The following LYN variants were observed in gnomAD, a reference collection of about 807,000 sequenced individuals.
LYN encodes LYN proto-oncogene, Src family tyrosine kinase.
Under a neutral mutation model 65.0 loss-of-function variants are expected in LYN, and 12 were observed. The observed-to-expected ratio is 0.18, with a 90% CI of 0.12 to 0.30. LYN has a LOEUF of 0.30. Ranked by LOEUF, LYN falls within the 10% of genes least tolerant of loss-of-function variation. LYN has a pLI of 1.00. For missense variants in LYN, 380 were observed against 623.2 expected (o/e 0.61, Z 4.16); for synonymous variants, 222 against 221.2 (o/e 1.00, Z -0.03).
chr8:56,006,265 T>C (rs1325041781), intron 12 of LYN, among the ~76,000 whole-genome samples: 1 of 151,684 alleles, frequency 6.6e-6, no homozygotes, highest in Non-Finnish European at 1.5e-5. Context: ...AAATTTGTCC[T>C]GCTGCAAACA....
At chr8:55,882,404 A>C (rs931015183) in intron 1 of LYN, among the ~76,000 whole-genome samples, 1 of 152,240 alleles carries the variant, frequency 6.6e-6, no homozygotes, top group African/African-American at 2.4e-5. Context: ...CTGAGATTCC[A>C]GTTGGTTCAC....
At chr8:55,881,522 G>C (rs1477285241) in intron 1 of LYN, among the ~76,000 whole-genome samples, 1 of 152,172 alleles carries the variant, frequency 6.6e-6, no homozygotes, top group Non-Finnish European at 1.5e-5. Flanking sequence ...AGGTAAGCAG[G>C]TAAGCGCTTT....
intron 1 of LYN, among the ~76,000 whole-genome samples, chr8:55,896,262 T>G (rs1805095675): frequency 2.7e-5 from 4 of 150,570 alleles, no homozygotes; most frequent in Admixed American, 2.0e-4. Flanking sequence ...AGAGCAAGAC[T>G]CTCATCTCTG....
In LYN at chr8:55,918,648, CG is replaced by C. The variant is rs573041111; in HGVS notation, c.-5-23203del. Among the ~76,000 whole-genome samples, 658 of 152,186 alleles carry C rather than the reference CG, an allele frequency of 4.3e-3. 7 individuals are homozygous for C. The highest frequency in any genetic ancestry group is 0.025 in the South Asian group (122 of 4,802). On this transcript the variant is annotated intron_variant, in intron 1 of 12. Coordinates refer to ENST00000519728, the MANE Select transcript of LYN (RefSeq NM_002350.4). ...CCCAGATTGAGTGGTGCCAGGTGTT[CG>C]GGGTTGTCTCGGTTAATCCTTACTA...
chr8:55,979,850 CG>C (rs1342050018), intron 10 of LYN, among the ~76,000 whole-genome samples: 3 of 152,212 alleles, frequency 2.0e-5, no homozygotes, highest in Non-Finnish European at 4.4e-5. Flanking sequence ...ACAGCATCTC[CG>C]GGGCTGCCAG....
rs764630960 is a variant in LYN, at chr8:56,011,227, G to A, written c.*1117G>A. ...CTACAAGGCTCTAATAAGCCACGGT[G>A]GCAGGAGGTTCAAGCGGTTCTGTTC... On this transcript the variant is annotated 3_prime_UTR_variant, in exon 13 of 13. Coordinates refer to ENST00000519728, the MANE Select transcript of LYN (RefSeq NM_002350.4). 8.8e-6 allele frequency: 2 copies of A among 227,448 alleles called. No homozygotes were observed. The highest frequency in any genetic ancestry group is 1.7e-5 in the Non-Finnish European group (2 of 114,562). 14.1% of individuals were successfully genotyped at this position (227,448 alleles called of 1,614,324 possible).
intron 10 of LYN, among the ~76,000 whole-genome samples, chr8:55,977,722 G>C (rs1807795800): frequency 6.7e-6 from 1 of 149,064 alleles, no homozygotes; most frequent in Non-Finnish European, 1.5e-5. Context: ...AGCCCAGCCT[G>C]GGCAACACAG....
At chr8:55,921,910 T>G (rs1585600689) in intron 1 of LYN, among the ~76,000 whole-genome samples, 1 of 152,320 alleles carries the variant, frequency 6.6e-6, no homozygotes, top group East Asian at 1.9e-4. Context: ...CCGAACAATG[T>G]TTCTTGCACT....
rs1343522812 is a variant in LYN, at chr8:55,951,939, C to A, written c.488-27C>A. On this transcript the variant is annotated intron_variant, in intron 6 of 12. Transcript: ENST00000519728. ...GCAGATCTTATTTGTGAGATATAAA[C>A]ATTTACTTACACTTTTCCCCCCATA... The A allele has an allele frequency of 4.4e-6, 7 of 1,599,646 alleles. No homozygotes were observed. The African/African-American group carries it at 8.1e-5, about 18-fold the overall frequency.
At chr8:55,953,302 A>G (rs1807006506) in intron 7 of LYN, among the ~76,000 whole-genome samples, 1 of 152,154 alleles carries the variant, frequency 6.6e-6, no homozygotes, top group African/African-American at 2.4e-5. Flanking sequence ...TTGTTCATGT[A>G]TGTTAGCAGT....
At chr8:55,914,162 G>C (rs1805720185) in intron 1 of LYN, among the ~76,000 whole-genome samples, 1 of 151,914 alleles carries the variant, frequency 6.6e-6, no homozygotes, top group Non-Finnish European at 1.5e-5. Flanking sequence ...AATGGCATGG[G>C]AAATAAGAGA....
At chr8:56,000,941 G>T (rs1015944467) in intron 12 of LYN, among the ~76,000 whole-genome samples, 5 of 152,148 alleles carry the variant, frequency 3.3e-5, no homozygotes, top group Admixed American at 1.3e-4. Context: ...CCTTGAGAGT[G>T]AATATTGTAG....
At chr8:55,928,844 C>A (rs1806185338) in intron 1 of LYN, among the ~76,000 whole-genome samples, 2 of 151,958 alleles carry the variant, frequency 1.3e-5, no homozygotes, top group South Asian at 4.1e-4. Context: ...AAAATGTCAT[C>A]ACCAAACCCA....
At chr8:55,951,673 A>C (rs1297206071) in intron 6 of LYN, among the ~76,000 whole-genome samples, 1 of 152,024 alleles carries the variant, frequency 6.6e-6, no homozygotes, top group Non-Finnish European at 1.5e-5. Context: ...TCAAAAAAAA[A>C]AAAAAGAAAA....
intron 1 of LYN, among the ~76,000 whole-genome samples, chr8:55,939,595 G>A (rs913981108): frequency 2.6e-5 from 4 of 152,324 alleles, no homozygotes; most frequent in African/African-American, 9.6e-5. Flanking sequence ...GGCTCGGTCC[G>A]TGCTGGGAGG....
chr8:56,003,674 A>C (rs952682503), intron 12 of LYN, among the ~76,000 whole-genome samples: 5 of 142,248 alleles, frequency 3.5e-5, no homozygotes, highest in Admixed American at 7.0e-5. Flanking sequence ...ACTCTGTCTC[A>C]AAAAAAAAAA....
intron 1 of LYN, among the ~76,000 whole-genome samples, chr8:55,896,310 CA>C (rs1805097826): frequency 6.6e-6 from 1 of 151,818 alleles, no homozygotes; most frequent in South Asian, 2.1e-4. Context: ...CAACATCAAA[CA>C]AAGAAACAAA....
At chr8:55,939,534 G>A (rs538336496) in intron 1 of LYN, among the ~76,000 whole-genome samples, 2 of 151,802 alleles carry the variant, frequency 1.3e-5, no homozygotes, top group Middle Eastern at 3.4e-3. Flanking sequence ...GAACGCAGTG[G>A]GGGGGGGACA....
intron 10 of LYN, among the ~76,000 whole-genome samples, chr8:55,992,605 T>C (rs1336103212): frequency 6.6e-6 from 1 of 152,202 alleles, no homozygotes; most frequent in Non-Finnish European, 1.5e-5. Context: ...ATGGTAACAG[T>C]CTACCTGTGA....
Sources: allele counts gnomAD v4.1 joint callset (sites outside exome capture counted in the v4.1 genomes callset), GRCh38; gene constraint gnomAD v4.1.1; transcripts MANE v1.5; gene names NCBI Gene and HGNC (gene_info 2026-07-23, HGNC 2026-07-21).